The following ALK variants were observed in gnomAD, a reference collection of about 807,000 sequenced individuals.
ALK encodes the protein ALK tyrosine kinase receptor.
ALK carries 74 observed loss-of-function variants against 163.1 expected under a neutral mutation model. The ratio of observed to expected loss-of-function variants is 0.45; its 90% CI spans 0.38 to 0.55. The LOEUF (loss-of-function observed/expected upper bound fraction) is 0.55, where lower values mean the gene tolerates loss of function less well. Ranked by LOEUF, ALK falls within the 20% of genes least tolerant of loss-of-function variation. The pLI is 0.00. For synonymous variants in ALK, 960 were observed against 843.2 expected, an observed-to-expected ratio of 1.14 and a Z score of -2.40; for missense variants, 2,063 against 2,105.3, an observed-to-expected ratio of 0.98 and a Z score of 0.39.
intron 1 of ALK, among the ~76,000 whole-genome samples, chr2:29,801,252 C>G (rs1056289984): frequency 2.0e-5 from 3 of 152,062 alleles, no homozygotes; most frequent in African/African-American, 7.2e-5. Context: ...AACAATAACC[C>G]ATTTGCTTTC....
chr2:29,600,327 C>T (rs1675347549), intron 3 of ALK, among the ~76,000 whole-genome samples: 1 of 152,104 alleles, frequency 6.6e-6, no homozygotes, highest in Non-Finnish European at 1.5e-5. Flanking sequence ...TAAATTGGCT[C>T]TTAAACAAGT....
intron 3 of ALK, among the ~76,000 whole-genome samples, chr2:29,546,041 C>T (rs4578810): frequency 0.25 from 38,080 of 151,906 alleles, 5,808 homozygotes; most frequent in East Asian, 0.65. Flanking sequence ...TGTGTGTGTG[C>T]GTATATACGT....
intron 12 of ALK, among the ~76,000 whole-genome samples, chr2:29,242,104 G>A (rs983381048): frequency 2.0e-5 from 3 of 152,232 alleles, no homozygotes; most frequent in African/African-American, 7.2e-5. Context: ...TGAAAGGTAA[G>A]AGGAAGCAGC....
chr2:29,395,867 T>C (rs975303835), intron 4 of ALK, among the ~76,000 whole-genome samples: 3 of 152,198 alleles, frequency 2.0e-5, no homozygotes, highest in African/African-American at 7.2e-5. Context: ...TTTTGCCTAA[T>C]CATATTTCTA....
At chr2:29,221,305 T>TATCA (rs967883796) in intron 22 of ALK, 17 of 490,732 alleles carry the variant, frequency 3.5e-5, no homozygotes, top group South Asian at 2.2e-4. Flanking sequence ...CTCACGAGTC[T>TATCA]ATCAGTTTCC....
intron 1 of ALK, among the ~76,000 whole-genome samples, chr2:29,769,070 G>A (rs1282453438): frequency 6.6e-6 from 1 of 152,168 alleles, no homozygotes; most frequent in Non-Finnish European, 1.5e-5. Context: ...CTGGGCTCAA[G>A]TGATCCACCC....
At chr2:29,559,675 A>C (rs529955065) in intron 3 of ALK, among the ~76,000 whole-genome samples, 152 of 152,276 alleles carry the variant, frequency 1.0e-3, no homozygotes, top group African/African-American at 3.4e-3. Context: ...AACATTCTGT[A>C]AAGGCAAATG....
At chr2:29,900,814 T>C (rs1051563709) in intron 1 of ALK, among the ~76,000 whole-genome samples, 3 of 151,944 alleles carry the variant, frequency 2.0e-5, no homozygotes, top group Non-Finnish European at 4.4e-5. Context: ...AAGGAGCACA[T>C]CCCACTATGA....
intron 8 of ALK, among the ~76,000 whole-genome samples, chr2:29,302,883 T>G (rs554922932): frequency 2.2e-4 from 34 of 152,156 alleles, no homozygotes; most frequent in Non-Finnish European, 4.6e-4. Context: ...CAAGATGTAT[T>G]AAAGACTGAA....
At chr2:29,365,469 A>G (rs1382854956) in intron 5 of ALK, among the ~76,000 whole-genome samples, 1 of 152,184 alleles carries the variant, frequency 6.6e-6, no homozygotes, top group Admixed American at 6.5e-5. Context: ...TTGGGGCCAG[A>G]GAAAGAGGGT....
intron 4 of ALK, among the ~76,000 whole-genome samples, chr2:29,501,993 T>A (rs1573407253): frequency 6.6e-6 from 1 of 152,224 alleles, no homozygotes; most frequent in Non-Finnish European, 1.5e-5. Context: ...TTGTAGCAGG[T>A]GTCAGAATTT....
chr2:29,233,498 C>T, intron 14 of ALK, 67 bp downstream of exon 14: 2 of 1,608,284 alleles, frequency 1.2e-6, no homozygotes, highest in African/African-American at 1.3e-5. Context: ...TATCCCAGGG[C>T]TGTCATGAGG....
At chr2:29,874,781 T>C (rs758822121) in intron 1 of ALK, among the ~76,000 whole-genome samples, 1 of 152,186 alleles carries the variant, frequency 6.6e-6, no homozygotes, top group Non-Finnish European at 1.5e-5. Context: ...GTAAATGACA[T>C]TGGAGGCACA....
chr2:29,516,699 T>C (rs561169195), intron 4 of ALK, among the ~76,000 whole-genome samples: 2 of 152,300 alleles, frequency 1.3e-5, no homozygotes, highest in South Asian at 4.1e-4. Flanking sequence ...GTCTCTTCAT[T>C]TGTGAAATGG....
intron 1 of ALK, among the ~76,000 whole-genome samples, chr2:29,904,019 A>C (rs1201013404): frequency 6.6e-6 from 1 of 152,218 alleles, no homozygotes; most frequent in Non-Finnish European, 1.5e-5. Flanking sequence ...CAGATTAAAA[A>C]AGAATAACTT....
intron 5 of ALK, among the ~76,000 whole-genome samples, chr2:29,373,245 A>C (rs1338543573): frequency 6.6e-6 from 1 of 152,226 alleles, no homozygotes; most frequent in Non-Finnish European, 1.5e-5. Flanking sequence ...TGAACATTTT[A>C]ATGAATTAAA....
At chr2:29,763,594 C>G (rs1021845690) in intron 1 of ALK, among the ~76,000 whole-genome samples, 12 of 152,206 alleles carry the variant, frequency 7.9e-5, no homozygotes, top group Non-Finnish European at 1.5e-5. Context: ...GGAGACCCAG[C>G]TGCCTCTTGA....
chr2:29,916,102 T>C (rs1172397574), intron 1 of ALK, among the ~76,000 whole-genome samples: 1 of 152,220 alleles, frequency 6.6e-6, no homozygotes, highest in African/African-American at 2.4e-5. Context: ...CTTCTCAATA[T>C]GTGAAAATAT....
intron 19 of ALK, among the ~76,000 whole-genome samples, chr2:29,225,120 T>C (rs1033573359): frequency 6.6e-5 from 10 of 151,966 alleles, no homozygotes; most frequent in Non-Finnish European, 1.5e-4. Flanking sequence ...GCTGCGCCGG[T>C]GGAAGCATGT....
Sources: gnomAD v4.1 joint callset for allele counts (sites outside exome capture counted in the v4.1 genomes callset) on GRCh38, gnomAD v4.1.1 for gene constraint, MANE v1.5 for transcripts, NCBI Gene and HGNC (gene_info 2026-07-23, HGNC 2026-07-21) for gene names.